Variants in IL7R observed in about 807,000 individuals in gnomAD.
IL7R encodes interleukin 7 receptor.
Under a neutral mutation model 47.0 loss-of-function variants are expected in IL7R, and 38 were observed. The observed-to-expected ratio is 0.81, with a 90% confidence interval of 0.62 to 1.06. The LOEUF is 1.06. Among genes scored for constraint, IL7R ranks in the 50% least tolerant of loss-of-function variants. IL7R has a pLI of 0.00. For missense variants in IL7R, 633 were observed against 534.8 expected, an observed-to-expected ratio of 1.18 and a Z score of -1.81; for synonymous variants, 221 against 199.8, an observed-to-expected ratio of 1.11 and a Z score of -0.89.
At chr5:35,861,850 C>T (rs1759828728) in intron 2 of IL7R, among the ~76,000 whole-genome samples, 1 of 152,104 alleles carries the variant, frequency 6.6e-6, no homozygotes, top group African/African-American at 2.4e-5. Context: ...TGACCTGAGG[C>T]TATCTCCAAA....
chr5:35,866,163 T>C (rs6451230), intron 2 of IL7R, among the ~76,000 whole-genome samples: 108,478 of 151,996 alleles, frequency 0.71, 39,746 homozygotes, highest in African/African-American at 0.87. Flanking sequence ...TTGAATGCAT[T>C]GATTGATTAT....
chr5:35,858,893 C>A (rs536114501), intron 1 of IL7R, among the ~76,000 whole-genome samples: 1 of 152,146 alleles, frequency 6.6e-6, no homozygotes, highest in African/African-American at 2.4e-5. Context: ...GGTAGAGTAT[C>A]CAGAATTTAA....
Position 35,856,953 on chromosome 5 carries a change from A to G in IL7R, c.-25A>G. On this transcript the variant is annotated 5_prime_UTR_variant, in exon 1 of 8. Coordinates refer to ENST00000303115, the MANE Select transcript of IL7R (RefSeq NM_002185.5). ...TTCATACACACTGGCTCACACATCT[A>G]CTCTCTCTCTCTATCTCTCTCAGAA... The G allele has an allele frequency of 7.7e-7, 1 of 1,296,084 alleles. No homozygotes were observed. Among genetic ancestry groups the G allele is most frequent in the African/African-American group, 1.5e-5 (1 of 68,282 alleles). The allele number at this position is 1,296,084 out of a possible 1,614,324, so 80.3% of individuals were successfully genotyped here.
In IL7R at chr5:35,870,777, G is replaced by A. The variant is rs374692110; in HGVS notation, c.380-279G>A. ...AGGACTCCAAGTGGTGGAAGAGGAC[G>A]GAGCAGAGGAGTCACACATGGGTGT... On this transcript the variant is annotated intron_variant, in intron 3 of 7. Transcript: ENST00000303115. 1.8e-4 allele frequency among the ~76,000 whole-genome samples: 28 copies of A among 152,302 alleles called. No homozygotes were observed. In the South Asian group the frequency reaches 3.7e-3, roughly 20 times the overall value.
intron 2 of IL7R, 93 bp downstream of exon 2, chr5:35,861,083 C>A: frequency 2.3e-6 from 3 of 1,326,768 alleles, no homozygotes; most frequent in Non-Finnish European, 3.3e-6. Flanking sequence ...GAATATGTGG[C>A]CTAATTAACA....
At chr5:35,861,934 A>G (rs1451660577) in intron 2 of IL7R, among the ~76,000 whole-genome samples, 1 of 152,154 alleles carries the variant, frequency 6.6e-6, no homozygotes, top group African/African-American at 2.4e-5. Flanking sequence ...CAGTAGTAAT[A>G]GAAGGCTTCC....
At position 35,860,971 on chromosome 5, in the gene IL7R, A is replaced by G; in HGVS notation, c.202A>G (p.Asn68Asp). Residue 68 changes from asparagine to aspartate, a missense_variant, in exon 2 of 8, where the codon AAT (asparagine) becomes GAT (aspartate). Coordinates refer to ENST00000303115, the MANE Select transcript of IL7R (RefSeq NM_002185.5). The stretch of plus-strand genomic sequence containing the variant: ...TGAGGACCCAGATGTCAACATCACC[A>G]ATCTGGAATTTGAAATATGGTGAGG... ...AFEDPDVNITNLEFEICGALV... is the reference protein window; with the variant it reads ...AFEDPDVNITDLEFEICGALV... 2 of 1,613,474 alleles carry G rather than the reference A, an allele frequency of 1.2e-6. No homozygotes were observed. The highest frequency in any genetic ancestry group is 2.2e-5 in the South Asian group (2 of 91,074).
intron 2 of IL7R, among the ~76,000 whole-genome samples, chr5:35,866,409 T>G: frequency 6.6e-6 from 1 of 152,132 alleles, no homozygotes; most frequent in Middle Eastern, 3.2e-3. Flanking sequence ...TTAAGCTAGC[T>G]TCAAAAAATA....
Position 35,875,969 on chromosome 5 carries a change from C to T in IL7R, c.877-14C>T, listed in dbSNP as rs1225375617. 6.2e-7 allele frequency: 1 copy of T among 1,609,040 alleles called. No homozygotes were observed. Among genetic ancestry groups the T allele is most frequent in the Non-Finnish European group, 8.5e-7 (1 of 1,179,874 alleles). ...TGGTGCCATCTTAATACCCTTTCTC[C>T]TTTTTCTGTGCAGAATTTAAATGTG... On this transcript the variant is annotated splice_polypyrimidine_tract_variant and intron_variant, in intron 7 of 7. Coordinates refer to ENST00000303115, the MANE Select transcript of IL7R (RefSeq NM_002185.5).
At position 35,875,429 on chromosome 5, in the gene IL7R, T is replaced by C. The variant is rs750935531; in HGVS notation, c.801-83T>C. The stretch of plus-strand genomic sequence containing the variant: ...AAGACTAGAAATCTGTTCTTCTGAT[T>C]CCAAGCTCAGAATAAGTGGGAAGAC... On this transcript the variant is annotated intron_variant, in intron 6 of 7. Transcript: ENST00000303115. 7 of 973,118 alleles carry C rather than the reference T, an allele frequency of 7.2e-6. No homozygotes were observed. In the South Asian group the frequency reaches 7.9e-5, roughly 11 times the overall value. The allele number at this position is 973,118 out of a possible 1,614,324, so 60.3% of individuals were successfully genotyped here.
In IL7R at chr5:35,871,142, CA is replaced by C. The variant is rs1717980926; in HGVS notation, c.470del (p.Lys157ArgfsTer4). ...FVVTFNTSHLQKKYVKVLMHD... is the reference protein window; with the variant it reads ...FVVTFNTSHLXKKYVKVLMHD... ...GGTGACATTTAATACATCACACTTG[CA>C]AAAGAAGTATGTAAAAGTTTTAATG... On this transcript the variant is annotated frameshift_variant, in exon 4 of 8. Transcript: ENST00000303115. LOFTEE classifies it high-confidence loss of function. The C allele has an allele frequency of 6.2e-7, 1 of 1,612,230 alleles. No individual in the cohort carries two copies. Among genetic ancestry groups the C allele is most frequent in the African/African-American group, 1.3e-5 (1 of 74,844 alleles).
At position 35,875,303 on chromosome 5, in the gene IL7R, C is replaced by A. The variant is rs555931925; in HGVS notation, c.801-209C>A. 3.1e-5 allele frequency: 19 copies of A among 620,748 alleles called. No individual in the cohort carries two copies. In the African/African-American group the frequency reaches 3.5e-4, roughly 11 times the overall value. 38.5% of individuals were successfully genotyped at this position (620,748 alleles called of 1,614,324 possible). A position where few individuals can be genotyped will look rare whatever the true frequency, so the allele number is the denominator to read the frequency against. ...TCTTGTTCACAGAATGGATTGATAT[C>A]TGTGGTCTCTGGTCCAACCCCTCCT... On this transcript the variant is annotated intron_variant, in intron 6 of 7. Coordinates refer to ENST00000303115, the MANE Select transcript of IL7R (RefSeq NM_002185.5).
At chr5:35,875,842 G>T in intron 7 of IL7R, 141 bp from the exon 8 acceptor site, 1 of 975,460 alleles carries the variant, frequency 1.0e-6, no homozygotes, top group Non-Finnish European at 1.6e-6. Flanking sequence ...AGCTCCAGAA[G>T]CAAAGAGTCC....
At position 35,867,450 on chromosome 5, in the gene IL7R, C is replaced by A. The variant is rs140473900; in HGVS notation, c.366C>A (p.Asp122Glu). ...GEKSLTCKKI[D>E]LTTIVKPEAP... ...AGAGTCTAACCTGCAAAAAAATAGA[C>A]CTAACCACTATAGGTAAGAAGTTGT... The change falls in exon 3 of 8, where the codon GAC (aspartate) becomes GAA (glutamate). Residue 122 changes from aspartate to glutamate, a missense_variant. Physicochemically the swap from Asp to Glu is conservative, Grantham distance 45. Coordinates refer to ENST00000303115, the MANE Select transcript of IL7R (RefSeq NM_002185.5). The A allele has an allele frequency of 1.8e-5, 29 of 1,612,592 alleles. No individual in the cohort carries two copies. Among genetic ancestry groups the A allele is most frequent in the Non-Finnish European group, 2.4e-5 (28 of 1,179,360 alleles).
In IL7R at chr5:35,878,307, C is replaced by T. The variant is rs1302897570; in HGVS notation, c.*1821C>T. The T allele has an allele frequency of 4.3e-6, 1 of 233,234 alleles. No homozygotes were observed. Among genetic ancestry groups the T allele is most frequent in the Non-Finnish European group, 8.5e-6 (1 of 118,024 alleles). 14.4% of individuals were successfully genotyped at this position (233,234 alleles called of 1,614,324 possible). ...GCATTCCTTCCACCTCCTTGATAGG[C>T]ATTTATGGAAAGCCTGCTACATGTC... On this transcript the variant is annotated 3_prime_UTR_variant, in exon 8 of 8. Coordinates refer to ENST00000303115, the MANE Select transcript of IL7R (RefSeq NM_002185.5).
At chr5:35,867,191 A>G (rs1759959846) in intron 2 of IL7R, 115 bp from the exon 3 acceptor site, 1 of 911,228 alleles carries the variant, frequency 1.1e-6, no homozygotes. Context: ...TCACCCACCC[A>G]CATACCTATG....
intron 4 of IL7R, among the ~76,000 whole-genome samples, chr5:35,871,777 T>C (rs565227551): frequency 3.3e-5 from 5 of 152,348 alleles, no homozygotes; most frequent in South Asian, 2.1e-4. Context: ...TTGGAATGAT[T>C]TGGCAGTCCC....
At chr5:35,868,290 TC>T (rs959363799) in intron 3 of IL7R, among the ~76,000 whole-genome samples, 2 of 151,886 alleles carry the variant, frequency 1.3e-5, no homozygotes, top group Admixed American at 6.6e-5. Context: ...CCCTATTCGC[TC>T]CCCCTTCAAC....
chr5:35,872,036 C>T (rs927807226), intron 4 of IL7R, among the ~76,000 whole-genome samples: 7 of 152,132 alleles, frequency 4.6e-5, no homozygotes, highest in African/African-American at 1.4e-4. Context: ...AAACCACCTG[C>T]TCCCTCCTTC....
Sources: gnomAD v4.1 joint callset for allele counts (sites outside exome capture counted in the v4.1 genomes callset) on GRCh38, gnomAD v4.1.1 for gene constraint, MANE v1.5 for transcripts, NCBI Gene and HGNC (gene_info 2026-07-23, HGNC 2026-07-21) for gene names.